The following DCDC1 variants were observed in gnomAD, a reference collection of about 807,000 sequenced individuals.
The protein encoded by DCDC1 is doublecortin domain-containing protein 1.
In DCDC1, 200 loss-of-function variants were observed where a neutral mutation model predicts 178.3. The ratio of observed to expected loss-of-function variants is 1.12; its 90% CI spans 1.00 to 1.26. DCDC1 has a LOEUF of 1.26. Ranked by LOEUF, DCDC1 falls within the 50% of genes most tolerant of loss-of-function variation. DCDC1 has a pLI of 0.00. For missense variants in DCDC1, 1,983 were observed against 1,749.2 expected (o/e 1.13, Z -2.38); for synonymous variants, 690 against 604.8 (o/e 1.14, Z -2.07).
chr11:30,892,880 T>G lies in DCDC1; in HGVS notation c.5020A>C (p.Ile1674Leu). ...TCAGGTCTGCCTCCATTTAGATAAA[T>G]CCACACTCGTTTTGTGTTGGGCTGC... ...YKQPNTKRVW[I>L]YLNGGRPEDG... Residue 1674 changes from isoleucine (I) to leucine (L), a missense_variant, in exon 36 of 39, where the codon ATT becomes CTT. Ile to Leu is a conservative substitution (Grantham distance 5). Coordinates refer to ENST00000684477, the MANE Select transcript of DCDC1 (RefSeq NM_001387274.1). 6.2e-7 allele frequency: 1 copy of G among 1,613,936 alleles called. No individual in the cohort carries two copies. The highest frequency in any genetic ancestry group is 8.5e-7 in the Non-Finnish European group (1 of 1,179,840).
intron 12 of DCDC1, 41 bp downstream of exon 12, chr11:31,110,219 C>T (rs1959115924): frequency 1.5e-6 from 1 of 669,802 alleles, no homozygotes; most frequent in Non-Finnish European, 2.7e-6. Context: ...AAGTAACTTG[C>T]AAGACACTTA....
chr11:31,263,269 T>G lies in DCDC1; in HGVS notation c.1054+2238A>C, dbSNP rs546445965. Among the ~76,000 whole-genome samples, 9 of 152,344 alleles carry G rather than the reference T, an allele frequency of 5.9e-5. No homozygotes were observed. The South Asian group carries it at 1.7e-3, about 28-fold the overall frequency. On this transcript the variant is annotated intron_variant, in intron 8 of 38. Coordinates refer to ENST00000684477, the MANE Select transcript of DCDC1 (RefSeq NM_001387274.1). The stretch of plus-strand genomic sequence containing the variant: ...GTATTAAGAAAATATGTTGTTTATT[T>G]TTATTAATGCAAGTTTAAGAGCAAT...
chr11:30,956,272 G>A (rs948150161), intron 20 of DCDC1, among the ~76,000 whole-genome samples: 4 of 152,098 alleles, frequency 2.6e-5, no homozygotes, highest in African/African-American at 7.2e-5. Context: ...TTGGCCTCAG[G>A]TAATTCTCCC....
intron 9 of DCDC1, among the ~76,000 whole-genome samples, chr11:31,155,713 T>A (rs400964): frequency 0.57 from 85,954 of 152,036 alleles, 25,202 homozygotes; most frequent in East Asian, 0.93. Flanking sequence ...GAAACTACCC[T>A]AGGCTGGAGG....
chr11:30,909,030 A>C lies in DCDC1; in HGVS notation c.3834T>G (p.Thr1278=). Residue 1278 remains threonine, a synonymous_variant, in exon 29 of 39, where the codon ACT becomes ACG. Transcript: ENST00000684477. ...CTGATGTAATTTCCTTATCCAAGGC[A>C]GTGCTATGAAAGGCCACAAGTGCTT... ...NIKALVAFHS[T]ALDKEITSAN... is the part of the protein sequence containing the mutation. 6.2e-7 allele frequency: 1 copy of C among 1,612,790 alleles called. No homozygotes were observed. The highest frequency in any genetic ancestry group is 8.5e-7 in the Non-Finnish European group (1 of 1,179,122).
intron 11 of DCDC1, among the ~76,000 whole-genome samples, chr11:31,120,714 T>G (rs1468599478): frequency 6.6e-6 from 1 of 152,140 alleles, no homozygotes; most frequent in Non-Finnish European, 1.5e-5. Context: ...TGTACTCATC[T>G]TCCTCTCATT....
chr11:30,890,206 G>A (rs1943653888), intron 36 of DCDC1, among the ~76,000 whole-genome samples: 1 of 152,194 alleles, frequency 6.6e-6, no homozygotes, highest in Non-Finnish European at 1.5e-5. Flanking sequence ...ACTCAGTCTA[G>A]TATTTTGTTA....
At chr11:30,928,081 T>G (rs1260524468) in intron 22 of DCDC1, among the ~76,000 whole-genome samples, 3 of 152,204 alleles carry the variant, frequency 2.0e-5, no homozygotes, top group Non-Finnish European at 2.9e-5. Context: ...TGAGTCATGA[T>G]AGAAGATCCC....
intron 20 of DCDC1, among the ~76,000 whole-genome samples, chr11:31,058,770 G>C (rs1403098163): frequency 6.6e-6 from 1 of 152,128 alleles, no homozygotes; most frequent in Non-Finnish European, 1.5e-5. Context: ...GACAAAGGTT[G>C]AAAGAGATAG....
chr11:31,286,596 G>A (rs1946856221), intron 7 of DCDC1, among the ~76,000 whole-genome samples: 1 of 151,944 alleles, frequency 6.6e-6, no homozygotes, highest in South Asian at 2.1e-4. Context: ...AAGGTGGGAA[G>A]ATAATTAAGT....
chr11:31,326,757 C>T (rs1308416110), intron 3 of DCDC1, among the ~76,000 whole-genome samples: 2 of 152,132 alleles, frequency 1.3e-5, no homozygotes, highest in Non-Finnish European at 2.9e-5. Context: ...AGCAAACATT[C>T]AAACTGATCT....
At chr11:30,891,569 A>G (rs943214550) in intron 36 of DCDC1, among the ~76,000 whole-genome samples, 5 of 152,198 alleles carry the variant, frequency 3.3e-5, no homozygotes, top group African/African-American at 9.7e-5. Flanking sequence ...AACACTTAGC[A>G]TCTACAACAT....
intron 7 of DCDC1, among the ~76,000 whole-genome samples, chr11:31,268,446 T>A (rs1945324818): frequency 6.6e-6 from 1 of 152,224 alleles, no homozygotes; most frequent in Admixed American, 6.5e-5. Flanking sequence ...AATGTTTAGA[T>A]CCCACTTATA....
At chr11:30,995,909 C>A (rs1951239206) in intron 20 of DCDC1, among the ~76,000 whole-genome samples, 1 of 151,956 alleles carries the variant, frequency 6.6e-6, no homozygotes, top group African/African-American at 2.4e-5. Flanking sequence ...CATAAAGAAA[C>A]AAAATTTAAA....
intron 9 of DCDC1, among the ~76,000 whole-genome samples, chr11:31,186,755 A>T (rs1268733933): frequency 2.0e-5 from 3 of 152,230 alleles, no homozygotes; most frequent in Non-Finnish European, 2.9e-5. Flanking sequence ...GCAGCAGATC[A>T]ATTTCCAGCC....
At chr11:31,324,403 T>C (rs1565609854) in intron 3 of DCDC1, among the ~76,000 whole-genome samples, 1 of 152,062 alleles carries the variant, frequency 6.6e-6, no homozygotes, top group African/African-American at 2.4e-5. Flanking sequence ...ATAAATATTA[T>C]ATACAACTTT....
intron 8 of DCDC1, among the ~76,000 whole-genome samples, chr11:31,253,365 T>A (rs1406619347): frequency 6.6e-6 from 1 of 151,564 alleles, no homozygotes; most frequent in African/African-American, 2.4e-5. Context: ...GATTTTTTTT[T>A]TTTTTTTTTG....
At position 30,864,803 on chromosome 11, in the gene DCDC1, A is replaced by G. The variant is rs1360649723; in HGVS notation, c.*570T>C. 6.6e-6 allele frequency: 1 copy of G among 152,046 alleles called. No individual in the cohort carries two copies. Among genetic ancestry groups the G allele is most frequent in the Non-Finnish European group, 1.5e-5 (1 of 68,014 alleles). The allele number at this position is 152,046 out of a possible 1,614,324, so 9.4% of individuals were successfully genotyped here. A position where few individuals can be genotyped will look rare whatever the true frequency, so the allele number is the denominator to read the frequency against. ...AACTGGAAAAATTTAGAGAATGTAT[A>G]CAGATTTCACTGGCATACAAAATGT... On this transcript the variant is annotated 3_prime_UTR_variant, in exon 39 of 39. Transcript: ENST00000684477.
chr11:31,040,300 T>A (rs1224858504), intron 20 of DCDC1, among the ~76,000 whole-genome samples: 1 of 152,210 alleles, frequency 6.6e-6, no homozygotes, highest in African/African-American at 2.4e-5. Context: ...TTTGTGTTTT[T>A]GCACAATATT....
Sources: gnomAD v4.1 joint callset for allele counts (sites outside exome capture counted in the v4.1 genomes callset) on GRCh38, gnomAD v4.1.1 for gene constraint, MANE v1.5 for transcripts, NCBI Gene and HGNC (gene_info 2026-07-23, HGNC 2026-07-21) for gene names.